Variants in PTPRT observed in about 807,000 individuals in gnomAD.
PTPRT encodes receptor-type tyrosine-protein phosphatase T.
Under a neutral mutation model 176.8 loss-of-function variants are expected in PTPRT, and 56 were observed. The ratio of observed to expected loss-of-function variants is 0.32; its 90% CI spans 0.26 to 0.40. The LOEUF is 0.40. PTPRT is among the 10% of genes least tolerant of loss of function. PTPRT has a pLI of 1.00. For missense variants in PTPRT, 1,540 were observed against 1,908.2 expected, an observed-to-expected ratio of 0.81 and a Z score of 3.60; for synonymous variants, 783 against 739.0, an observed-to-expected ratio of 1.06 and a Z score of -0.96.
chr20:43,169,605 C>T (rs1367220624), intron 1 of PTPRT, among the ~76,000 whole-genome samples: 2 of 152,194 alleles, frequency 1.3e-5, no homozygotes, highest in Admixed American at 6.5e-5. Context: ...ATGCTGTCAA[C>T]TCTCTGCACA....
intron 4 of PTPRT, 67 bp from the exon 5 acceptor site, chr20:42,771,617 G>A: frequency 7.5e-7 from 1 of 1,328,458 alleles, no homozygotes; most frequent in Non-Finnish European, 1.1e-6. Flanking sequence ...CCTATTGGTG[G>A]ATGGCAGCTC....
intron 15 of PTPRT, among the ~76,000 whole-genome samples, chr20:42,212,583 T>C (rs1216657431): frequency 1.3e-5 from 2 of 152,176 alleles, no homozygotes; most frequent in Admixed American, 1.3e-4. Flanking sequence ...TCTGGCTCCA[T>C]GTCAGACTAG....
At chr20:42,240,718 C>CCAT (rs1355957406) in intron 14 of PTPRT, among the ~76,000 whole-genome samples, 171 of 46,108 alleles carry the variant, frequency 3.7e-3, no homozygotes, top group Non-Finnish European at 0.01. Flanking sequence ...ATCCATCCAT[C>CCAT]CCATCCATCC....
intron 16 of PTPRT, among the ~76,000 whole-genome samples, chr20:42,198,686 C>A (rs180693300): frequency 2.5e-4 from 38 of 152,312 alleles, no homozygotes; most frequent in African/African-American, 8.4e-4. Context: ...ACCAATGCTA[C>A]TTGGAACACT....
At chr20:42,375,969 A>C (rs755818359) in intron 9 of PTPRT, among the ~76,000 whole-genome samples, 15 of 152,180 alleles carry the variant, frequency 9.9e-5, no homozygotes, top group Non-Finnish European at 2.2e-4. Context: ...ATAACCAATA[A>C]AGCAGCATGG....
At position 42,549,302 on chromosome 20, in the gene PTPRT, GA is replaced by G. The variant is rs546765717; in HGVS notation, c.1154-76741del. On this transcript the variant is annotated intron_variant, in intron 7 of 30. Coordinates refer to ENST00000373187, the MANE Select transcript of PTPRT (RefSeq NM_007050.6). Reference sequence around the variant, plus strand: ...GGAAGTTAAAAAAATAGTACTGATTGAAAAAAAAAGGGTGAAGTAGAATGAG... The same window carrying G: ...GGAAGTTAAAAAAATAGTACTGATTGAAAAAAAAGGGTGAAGTAGAATGAG... Among the ~76,000 whole-genome samples the G allele has an allele frequency of 1.0e-2, 1,495 of 149,506 alleles. 12 individuals are homozygous for G. Among genetic ancestry groups the G allele is most frequent in the Non-Finnish European group, 0.014 (970 of 67,270 alleles).
intron 1 of PTPRT, among the ~76,000 whole-genome samples, chr20:42,964,708 A>G (rs1982196985): frequency 6.6e-6 from 1 of 152,104 alleles, no homozygotes. Context: ...TGCTTTGAGT[A>G]TTTTTTCGGT....
intron 7 of PTPRT, among the ~76,000 whole-genome samples, chr20:42,478,676 C>G (rs1420393612): frequency 6.6e-6 from 1 of 152,074 alleles, no homozygotes; most frequent in Non-Finnish European, 1.5e-5. Context: ...CAATGCCACC[C>G]TTTACTTGTG....
At chr20:42,438,208 T>C (rs1417812542) in intron 9 of PTPRT, among the ~76,000 whole-genome samples, 1 of 152,198 alleles carries the variant, frequency 6.6e-6, no homozygotes, top group Non-Finnish European at 1.5e-5. Flanking sequence ...CAGAACTCAC[T>C]CTTCATTTCC....
intron 7 of PTPRT, among the ~76,000 whole-genome samples, chr20:42,522,182 A>G (rs1050958856): frequency 6.7e-6 from 1 of 148,916 alleles, no homozygotes; most frequent in Non-Finnish European, 1.5e-5. Context: ...TGCTTTTGTA[A>G]AAGTTTCCTT....
rs1294083360 is a variant in PTPRT at position 42,412,797 on chromosome 20, G to T, written c.1560+35423C>A. On this transcript the variant is annotated intron_variant, in intron 9 of 30. Coordinates refer to ENST00000373187, the MANE Select transcript of PTPRT (RefSeq NM_007050.6). ...TCATGAAGGAAATCAGACTCAAAAAGCTGCATCCTGTGGGATATCATTTAC... is the reference window on the plus strand; with the variant it reads ...TCATGAAGGAAATCAGACTCAAAAATCTGCATCCTGTGGGATATCATTTAC... Among the ~76,000 whole-genome samples, 3 of 152,114 alleles carry T rather than the reference G, an allele frequency of 2.0e-5. No homozygotes were observed. The East Asian group carries it at 5.8e-4, about 29-fold the overall frequency.
chr20:42,458,166 G>A (rs1365589199), intron 8 of PTPRT, among the ~76,000 whole-genome samples: 1 of 152,164 alleles, frequency 6.6e-6, no homozygotes, highest in Admixed American at 6.5e-5. Context: ...TCTTTCAGGA[G>A]CAGCCATGGC....
At chr20:42,323,185 T>G (rs2057827805) in intron 11 of PTPRT, among the ~76,000 whole-genome samples, 2 of 152,362 alleles carry the variant, frequency 1.3e-5, no homozygotes, top group South Asian at 4.1e-4. Context: ...GTTCAACCAT[T>G]GTAGAAGTCA....
intron 1 of PTPRT, among the ~76,000 whole-genome samples, chr20:42,969,952 T>C (rs1432589227): frequency 6.6e-6 from 1 of 152,176 alleles, no homozygotes; most frequent in Non-Finnish European, 1.5e-5. Flanking sequence ...ACCCATTATA[T>C]GGATGAGGAA....
chr20:42,171,757 C>T (rs1020190779), intron 16 of PTPRT, among the ~76,000 whole-genome samples: 2 of 152,062 alleles, frequency 1.3e-5, no homozygotes, highest in Non-Finnish European at 2.9e-5. Context: ...ATAGAAGCAC[C>T]TGCCAACATA....
At chr20:42,342,474 A>G (rs1271906608) in intron 11 of PTPRT, among the ~76,000 whole-genome samples, 1 of 152,192 alleles carries the variant, frequency 6.6e-6, no homozygotes, top group Admixed American at 6.5e-5. Flanking sequence ...CCTCATCATC[A>G]GGTCCCAGCA....
At chr20:42,878,616 A>G (rs1272184427) in intron 2 of PTPRT, among the ~76,000 whole-genome samples, 1 of 152,250 alleles carries the variant, frequency 6.6e-6, no homozygotes, top group Non-Finnish European at 1.5e-5. Flanking sequence ...TCTCAAAAAC[A>G]AGTGACAATA....
intron 2 of PTPRT, among the ~76,000 whole-genome samples, chr20:42,851,276 T>G (rs1378995954): frequency 6.6e-6 from 1 of 152,232 alleles, no homozygotes; most frequent in African/African-American, 2.4e-5. Context: ...ACTGAGTTAC[T>G]ACTTTCTATC....
At chr20:42,563,740 C>T (rs908714330) in intron 7 of PTPRT, among the ~76,000 whole-genome samples, 1 of 152,088 alleles carries the variant, frequency 6.6e-6, no homozygotes, top group Non-Finnish European at 1.5e-5. Context: ...AAGTAGGTTG[C>T]AAAAAATAAG....
Sources: allele counts gnomAD v4.1 joint callset (sites outside exome capture counted in the v4.1 genomes callset), GRCh38; gene constraint gnomAD v4.1.1; transcripts MANE v1.5; gene names NCBI Gene and HGNC (gene_info 2026-07-23, HGNC 2026-07-21).